LOXL2: variants seen among roughly 807,000 people sequenced by gnomAD.
LOXL2 encodes lysyl oxidase like 2.
LOXL2 carries 70 observed loss-of-function variants against 93.0 expected under a neutral mutation model. That is an observed-to-expected ratio of 0.75 (90% CI 0.62 to 0.92). LOXL2 has a LOEUF of 0.92. LOXL2 is among the 40% of genes least tolerant of loss of function. LOXL2 has a pLI of 0.00. For synonymous variants in LOXL2, 438 were observed against 413.2 expected, an observed-to-expected ratio of 1.06 and a Z score of -0.73; for missense variants, 973 against 1,054.9, an observed-to-expected ratio of 0.92 and a Z score of 1.08.
At chr8:23,312,572 A>G (rs1187676194) in intron 9 of LOXL2, among the ~76,000 whole-genome samples, 1 of 137,876 alleles carries the variant, frequency 7.3e-6, no homozygotes, top group Admixed American at 7.6e-5. Flanking sequence ...CAATAGATGC[A>G]GAAAAGGCCT....
rs767720373 is a variant in LOXL2, at chr8:23,351,567, CAAAT to C, written c.531+8519_531+8522del. On this transcript the variant is annotated intron_variant, in intron 3 of 13. Transcript: ENST00000389131. ...CTCCTTATTCATGTGTGCAATCTAA[CAAAT>C]AAATAGAATGTTATGTATTGGTTTA... Among the ~76,000 whole-genome samples the C allele has an allele frequency of 5.5e-4, 84 of 152,302 alleles. 2 individuals carry two copies. The highest frequency in any genetic ancestry group is 3.4e-3 in the Middle Eastern group (1 of 294).
At chr8:23,311,575 T>A (rs1237823027) in intron 9 of LOXL2, among the ~76,000 whole-genome samples, 1 of 151,530 alleles carries the variant, frequency 6.6e-6, no homozygotes, top group Non-Finnish European at 1.5e-5. Context: ...TACCATGGTT[T>A]GTGCTTAGCT....
chr8:23,342,009 AC>A (rs1470517336), intron 3 of LOXL2, among the ~76,000 whole-genome samples: 1 of 152,068 alleles, frequency 6.6e-6, no homozygotes, highest in Non-Finnish European at 1.5e-5. Flanking sequence ...GGAGTAAAGG[AC>A]AGAGGCTGGG....
intron 1 of LOXL2, among the ~76,000 whole-genome samples, chr8:23,389,258 G>A (rs1057143916): frequency 2.0e-5 from 3 of 152,114 alleles, no homozygotes; most frequent in African/African-American, 4.8e-5. Context: ...AGTCTGCCTA[G>A]GAAGGAATGT....
At chr8:23,380,462 C>T (rs1804667105) in intron 1 of LOXL2, among the ~76,000 whole-genome samples, 1 of 150,942 alleles carries the variant, frequency 6.6e-6, no homozygotes, top group South Asian at 2.1e-4. Flanking sequence ...TACCCATTTT[C>T]CTGGATTATC....
intron 1 of LOXL2, among the ~76,000 whole-genome samples, chr8:23,388,870 G>T (rs917057969): frequency 1.3e-5 from 2 of 152,092 alleles, no homozygotes; most frequent in Non-Finnish European, 2.9e-5. Flanking sequence ...TGCTGATCTT[G>T]CTGAGAGCTG....
chr8:23,342,046 AG>A (rs1304417206), intron 3 of LOXL2, among the ~76,000 whole-genome samples: 1 of 151,970 alleles, frequency 6.6e-6, no homozygotes, highest in African/African-American at 2.4e-5. Flanking sequence ...ATTCATTGGC[AG>A]GGCCCTTTGG....
chr8:23,315,946 C>T (rs1803395094), intron 9 of LOXL2, among the ~76,000 whole-genome samples: 1 of 152,188 alleles, frequency 6.6e-6, no homozygotes, highest in African/African-American at 2.4e-5. Context: ...GTGGCTGTTC[C>T]TCTTTGCTGG....
intron 6 of LOXL2, among the ~76,000 whole-genome samples, chr8:23,326,585 C>T (rs1803580349): frequency 6.6e-6 from 1 of 152,170 alleles, no homozygotes; most frequent in South Asian, 2.1e-4. Flanking sequence ...GAAACCCCGT[C>T]TTTACTAAAA....
chr8:23,332,213 ACCCCACACACCCCCTACACACTCACAC>A (rs2117170666), intron 5 of LOXL2, among the ~76,000 whole-genome samples: 1 of 112,764 alleles, frequency 8.9e-6, no homozygotes, highest in South Asian at 3.4e-4. Flanking sequence ...ACCCACACCC[ACCCCACACACCCCCTACACACTCACAC>A]CCCCACACAC....
chr8:23,379,802 G>C (rs569723237), intron 1 of LOXL2, among the ~76,000 whole-genome samples: 2 of 152,316 alleles, frequency 1.3e-5, no homozygotes, highest in South Asian at 4.1e-4. Flanking sequence ...GCAGTATTAG[G>C]GTGGGAGTGA....
intron 3 of LOXL2, among the ~76,000 whole-genome samples, chr8:23,345,811 G>A (rs1033507222): frequency 6.6e-5 from 10 of 152,136 alleles, no homozygotes; most frequent in South Asian, 4.1e-4. Flanking sequence ...GCTCACGCCT[G>A]TAATCCCAGC....
chr8:23,303,059 T>G (rs1220099598), intron 11 of LOXL2, among the ~76,000 whole-genome samples: 1 of 151,998 alleles, frequency 6.6e-6, no homozygotes, highest in East Asian at 1.9e-4. Flanking sequence ...GACCGACCAG[T>G]GCCTGTCAGC....
chr8:23,315,791 G>T (rs1356626431), intron 9 of LOXL2, among the ~76,000 whole-genome samples: 1 of 152,300 alleles, frequency 6.6e-6, no homozygotes. Flanking sequence ...CATTTTGCCA[G>T]CACCTGTCTA....
rs1052427923 is a variant in LOXL2 at position 23,342,190 on chromosome 8, G to A, written c.532-987C>T. On this transcript the variant is annotated intron_variant, in intron 3 of 13. Transcript: ENST00000389131. The stretch of plus-strand genomic sequence containing the variant: ...CACCTAGACCTGAGTCCCAGGGATC[G>A]GGCAGGAGAGGGGGCCTCAAGAGGC... Among the ~76,000 whole-genome samples the A allele has an allele frequency of 2.4e-4, 36 of 152,202 alleles. 1 individual carries two copies. The highest frequency in any genetic ancestry group is 2.0e-3 in the Admixed American group (31 of 15,298).
At chr8:23,332,844 G>C (rs1047314230) in intron 5 of LOXL2, among the ~76,000 whole-genome samples, 4 of 66,950 alleles carry the variant, frequency 6.0e-5, no homozygotes, top group Non-Finnish European at 1.1e-4. Context: ...ACTCACCCCC[G>C]CACACATACA....
rs1803047677 is a variant in LOXL2 at position 23,297,335 on chromosome 8, T to TA, written c.*707dup. The TA allele has an allele frequency of 2.0e-5, 3 of 152,244 alleles. No individual in the cohort carries two copies. The highest frequency in any genetic ancestry group is 7.2e-5 in the African/African-American group (3 of 41,456). The allele number at this position is 152,244 out of a possible 1,614,324, so 9.4% of individuals were successfully genotyped here. Reference sequence around the variant, plus strand: ...TGGAACAACAGGAAGATGAGTCACTTACACAGTGGGTTGGTTTTTCCTTAG... The same window carrying TA: ...TGGAACAACAGGAAGATGAGTCACTTAACACAGTGGGTTGGTTTTTCCTTAG... On this transcript the variant is annotated 3_prime_UTR_variant, in exon 14 of 14. Coordinates refer to ENST00000389131, the MANE Select transcript of LOXL2 (RefSeq NM_002318.3).
chr8:23,334,326 A>G (rs1454909864), intron 4 of LOXL2, among the ~76,000 whole-genome samples: 1 of 152,256 alleles, frequency 6.6e-6, no homozygotes, highest in Non-Finnish European at 1.5e-5. Flanking sequence ...GGCATGGGCC[A>G]CTGTGCCCAG....
chr8:23,373,200 C>A (rs545153639), intron 1 of LOXL2, among the ~76,000 whole-genome samples: 2 of 152,200 alleles, frequency 1.3e-5, no homozygotes, highest in Admixed American at 1.3e-4. Context: ...ACCTCAGGCC[C>A]TGCTGGGAGT....
Sources: gnomAD v4.1 joint callset for allele counts (sites outside exome capture counted in the v4.1 genomes callset) on GRCh38, gnomAD v4.1.1 for gene constraint, MANE v1.5 for transcripts, NCBI Gene and HGNC (gene_info 2026-07-23, HGNC 2026-07-21) for gene names.